CDC23: variants seen among roughly 807,000 people sequenced by gnomAD.
CDC23 encodes cell division cycle 23.
In CDC23, 26 loss-of-function variants were observed where a neutral mutation model predicts 81.7. The ratio of observed to expected loss-of-function variants is 0.32; its 90% CI spans 0.23 to 0.44. CDC23 has a LOEUF of 0.44. Among genes scored for constraint, CDC23 ranks in the 20% least tolerant of loss-of-function variants. The probability of loss-of-function intolerance (pLI) is 1.00; values close to 1 mark genes in which losing one functional copy is unlikely to be tolerated. For synonymous variants in CDC23, 267 were observed against 270.8 expected (o/e 0.99, Z 0.14); for missense variants, 519 against 728.0 (o/e 0.71, Z 3.30).
chr5:138,192,255 G>A lies in CDC23; in HGVS notation c.1286+14C>T, dbSNP rs1057237083. ...CTTCCCATATCAGACGCATTGTCAA[G>A]TGACCAGGCTTACCGAAGCTGGTGG... On this transcript the variant is annotated intron_variant, in intron 11 of 15. Transcript: ENST00000394886. 6.2e-7 allele frequency: 1 copy of A among 1,613,912 alleles called. No homozygotes were observed. The highest frequency in any genetic ancestry group is 1.3e-5 in the African/African-American group (1 of 74,896).
At chr5:138,189,930 A>G (rs1245865586) in intron 13 of CDC23, 24 bp from the exon 14 acceptor site, 4 of 1,604,114 alleles carry the variant, frequency 2.5e-6, no homozygotes, top group Non-Finnish European at 3.4e-6. Flanking sequence ...TGATCTTTAA[A>G]TACCAATGAT....
intron 9 of CDC23, among the ~76,000 whole-genome samples, chr5:138,196,421 G>T (rs1270197153): frequency 6.6e-6 from 1 of 151,386 alleles, no homozygotes; most frequent in African/African-American, 2.4e-5. Context: ...CTCCCAAGTA[G>T]CTGGGATTAC....
At position 138,201,214 on chromosome 5, in the gene CDC23, CCA is replaced by C; in HGVS notation, c.545_546del (p.Leu182ArgfsTer4). ...ACATCAATGGCCTCTTTAACCAAGT[CCA>C]GTTTTCGAAGCACCACACCATACCT... Reference protein sequence around the residue: ...LYLYGVVLRKLDLVKEAIDVF... With the variant: ...LYLYGVVLRKXDLVKEAIDVF... On this transcript the variant is annotated frameshift_variant, in exon 6 of 16. Transcript: ENST00000394886. LOFTEE classifies it high-confidence loss of function. The C allele has an allele frequency of 1.9e-6, 3 of 1,614,164 alleles. No homozygotes were observed. The highest frequency in any genetic ancestry group is 2.5e-6 in the Non-Finnish European group (3 of 1,180,050).
At position 138,201,382 on chromosome 5, in the gene CDC23, T is replaced by G; in HGVS notation, c.482A>C (p.Lys161Thr). ...TCCATCAAGTTCTCGAGCTTGGTGT[T>G]TTTTGCTGAGCTCCACTCTCAATTC... ...LRELRVELSK[K>T]HQARELDGFG... is the part of the protein sequence containing the mutation. The change falls in exon 5 of 16, where the codon AAA (lysine) becomes ACA (threonine). Residue 161 changes from lysine (K) to threonine (T), a missense_variant. Lys to Thr is a moderately conservative substitution (Grantham distance 78). Transcript: ENST00000394886. 1.9e-6 allele frequency: 3 copies of G among 1,614,142 alleles called. No individual in the cohort carries two copies. The highest frequency in any genetic ancestry group is 2.5e-6 in the Non-Finnish European group (3 of 1,180,014).
At chr5:138,204,777 G>A (rs1012076050) in intron 3 of CDC23, among the ~76,000 whole-genome samples, 6 of 151,464 alleles carry the variant, frequency 4.0e-5, no homozygotes, top group African/African-American at 1.5e-4. Context: ...TCGCCACTGC[G>A]CCCAGCTAAT....
At chr5:138,207,169 C>T (rs552078037) in intron 2 of CDC23, among the ~76,000 whole-genome samples, 3 of 151,730 alleles carry the variant, frequency 2.0e-5, no homozygotes, top group East Asian at 1.9e-4. Context: ...TATGAGCGAC[C>T]GCACCCGGCC....
Position 138,192,244 on chromosome 5 carries a change from C to T in CDC23, c.1286+25G>A, listed in dbSNP as rs114552772. 3.9e-4 allele frequency: 629 copies of T among 1,613,548 alleles called. 3 individuals carry two copies. In the African/African-American group the frequency reaches 6.8e-3, roughly 17 times the overall value. On this transcript the variant is annotated intron_variant, in intron 11 of 15. Coordinates refer to ENST00000394886, the MANE Select transcript of CDC23 (RefSeq NM_004661.4). Reference sequence around the variant, plus strand: ...AGTTATTAGCCCTTCCCATATCAGACGCATTGTCAAGTGACCAGGCTTACC... The same window carrying T: ...AGTTATTAGCCCTTCCCATATCAGATGCATTGTCAAGTGACCAGGCTTACC...
intron 11 of CDC23, 82 bp from the exon 12 acceptor site, chr5:138,192,019 T>C: frequency 8.3e-7 from 1 of 1,211,212 alleles, no homozygotes; most frequent in Non-Finnish European, 1.2e-6. Flanking sequence ...CACCACTATT[T>C]CAAATCTATG....
chr5:138,195,266 G>C (rs1033915869), intron 9 of CDC23, among the ~76,000 whole-genome samples: 1 of 151,090 alleles, frequency 6.6e-6, no homozygotes, highest in Non-Finnish European at 1.5e-5. Context: ...AAGGGGGAAA[G>C]GTACAGCAAG....
rs375150992 is a variant in CDC23, at chr5:138,202,120, A to G, written c.408T>C (p.Asp136=). The G allele has an allele frequency of 6.2e-7, 1 of 1,611,310 alleles. No individual in the cohort carries two copies. Among genetic ancestry groups the G allele is most frequent in the Non-Finnish European group, 8.5e-7 (1 of 1,178,776 alleles). The change falls in exon 4 of 16, where the codon GAT becomes GAC. Residue 136 remains aspartate, a synonymous_variant. Transcript: ENST00000394886. ...AAAGAAAAAAATTCGTACCTAAGCT[A>G]TCAACTGTTTCATCGTCCTTCTTTT... ...GEKKKDDETV[D]SLGPLEKGQV...
At chr5:138,211,151 G>A (rs1755108464) in intron 2 of CDC23, among the ~76,000 whole-genome samples, 1 of 152,012 alleles carries the variant, frequency 6.6e-6, no homozygotes, top group Non-Finnish European at 1.5e-5. Flanking sequence ...AAGAAAATGT[G>A]GTACATATAC....
intron 6 of CDC23, among the ~76,000 whole-genome samples, chr5:138,199,946 G>T (rs1043116600): frequency 6.6e-6 from 1 of 152,186 alleles, no homozygotes; most frequent in African/African-American, 2.4e-5. Context: ...GAAGTGTATT[G>T]TTGCTTCCAT....
chr5:138,200,005 T>C (rs1754967701), intron 6 of CDC23, among the ~76,000 whole-genome samples: 1 of 152,226 alleles, frequency 6.6e-6, no homozygotes, highest in African/African-American at 2.4e-5. Flanking sequence ...TATCCTCTAC[T>C]AATGGCTAAT....
intron 6 of CDC23, among the ~76,000 whole-genome samples, chr5:138,199,345 C>G (rs1178695605): frequency 6.6e-6 from 1 of 152,084 alleles, no homozygotes; most frequent in Admixed American, 6.6e-5. Context: ...AGCCTGCAAC[C>G]CCAGCACTTT....
intron 9 of CDC23, among the ~76,000 whole-genome samples, chr5:138,195,886 C>G (rs1754899678): frequency 6.9e-6 from 1 of 144,668 alleles, no homozygotes; most frequent in Non-Finnish European, 1.5e-5. Flanking sequence ...CTGTGACTGA[C>G]AGGTACAGAA....
At chr5:138,197,199 G>A (rs142702526) in intron 9 of CDC23, among the ~76,000 whole-genome samples, 6 of 148,768 alleles carry the variant, frequency 4.0e-5, no homozygotes, top group Non-Finnish European at 8.9e-5. Flanking sequence ...CCAGCTACTC[G>A]GGAGGCTGAG....
intron 9 of CDC23, among the ~76,000 whole-genome samples, chr5:138,195,257 A>T (rs17228470): frequency 0.016 from 2,425 of 151,460 alleles, 46 homozygotes; most frequent in African/African-American, 0.046. Context: ...AGTAACTTAA[A>T]GGGGGAAAGG....
At chr5:138,207,102 A>G (rs1755058782) in intron 2 of CDC23, among the ~76,000 whole-genome samples, 2 of 151,878 alleles carry the variant, frequency 1.3e-5, no homozygotes, top group South Asian at 4.2e-4. Context: ...CTGGTCTCAA[A>G]CTCAGGGCCT....
intron 9 of CDC23, among the ~76,000 whole-genome samples, chr5:138,194,551 T>C (rs1007329801): frequency 4.6e-5 from 7 of 152,188 alleles, no homozygotes; most frequent in African/African-American, 1.7e-4. Flanking sequence ...GGAATGGGAC[T>C]GACTGCAAAT....
Sources: allele counts gnomAD v4.1 joint callset (sites outside exome capture counted in the v4.1 genomes callset), GRCh38; gene constraint gnomAD v4.1.1; transcripts MANE v1.5; gene names NCBI Gene and HGNC (gene_info 2026-07-23, HGNC 2026-07-21).